The following NUP153 variants were observed in gnomAD, a reference collection of about 807,000 sequenced individuals.
The protein encoded by NUP153 is nucleoporin 153, also known as nuclear pore complex protein Nup153.
NUP153 carries 27 observed loss-of-function variants against 134.6 expected under a neutral mutation model. That is an observed-to-expected ratio of 0.20 (90% confidence interval 0.15 to 0.28). NUP153 has a LOEUF of 0.28. Ranked by LOEUF, NUP153 falls within the 10% of genes least tolerant of loss-of-function variation. The probability of loss-of-function intolerance (pLI) is 1.00; values close to 1 mark genes in which losing one functional copy is unlikely to be tolerated. For synonymous variants in NUP153, 640 were observed against 623.5 expected (o/e 1.03, Z -0.40); for missense variants, 1,821 against 1,731.3 (o/e 1.05, Z -0.92).
chr6:17,637,041 A>G (rs918728043), intron 16 of NUP153, 112 bp downstream of exon 16: 67 of 1,061,202 alleles, frequency 6.3e-5, no homozygotes, highest in African/African-American at 8.0e-5. Flanking sequence ...AGAAAAATTA[A>G]TATGTATGAG....
chr6:17,663,230 A>AC (rs1767301895), intron 9 of NUP153, among the ~76,000 whole-genome samples: 1 of 91,760 alleles, frequency 1.1e-5, no homozygotes, highest in African/African-American at 3.3e-5. Context: ...AAAAGAAAAA[A>AC]ATACACACAC....
intron 16 of NUP153, among the ~76,000 whole-genome samples, chr6:17,633,046 C>A (rs1463948904): frequency 2.0e-5 from 3 of 151,984 alleles, no homozygotes. Context: ...CTCTTTTAAC[C>A]TTATAAATGA....
chr6:17,658,360 C>A (rs373516317), intron 11 of NUP153, among the ~76,000 whole-genome samples: 1 of 152,198 alleles, frequency 6.6e-6, no homozygotes, highest in East Asian at 1.9e-4. Flanking sequence ...CATGCTACTG[C>A]CCTCCAGCCT....
chr6:17,674,876 A>C (rs1423881637), intron 5 of NUP153, 29 bp downstream of exon 5: 14 of 1,480,196 alleles, frequency 9.5e-6, no homozygotes, highest in Middle Eastern at 1.8e-4. Flanking sequence ...AGAAAAAAAA[A>C]GATCATCAAC....
chr6:17,663,224 G>C (rs1455594294), intron 9 of NUP153, among the ~76,000 whole-genome samples: 1 of 129,208 alleles, frequency 7.7e-6, no homozygotes, highest in Non-Finnish European at 1.6e-5. Flanking sequence ...ATGCTAAAAA[G>C]AAAAAAATAC....
At position 17,675,069 on chromosome 6, in the gene NUP153, T is replaced by C. The variant is rs1768134435; in HGVS notation, c.724-36A>G. On this transcript the variant is annotated intron_variant, in intron 4 of 21. Transcript: ENST00000262077. The surrounding 1 kb of genome is among the most constrained non-coding windows in gnomAD (Gnocchi z 4.4). The stretch of plus-strand genomic sequence containing the variant: ...ACAGAATGATAAATTATAAGCCATA[T>C]GAACCCAGGAGGTGGAGGTTGCAGT... The C allele has an allele frequency of 6.2e-7, 1 of 1,610,376 alleles. No homozygotes were observed. The highest frequency in any genetic ancestry group is 8.5e-7 in the Non-Finnish European group (1 of 1,178,034).
chr6:17,656,975 T>C (rs1314914303), intron 11 of NUP153, among the ~76,000 whole-genome samples: 1 of 152,136 alleles, frequency 6.6e-6, no homozygotes, highest in African/African-American at 2.4e-5. Flanking sequence ...ATCTTGCAAG[T>C]GGAGAGGGCT....
intron 1 of NUP153, among the ~76,000 whole-genome samples, chr6:17,701,741 G>C (rs1026548927): frequency 6.7e-6 from 1 of 150,364 alleles, no homozygotes; most frequent in African/African-American, 2.4e-5. Context: ...GCTGAGGCAG[G>C]AGAGCTGCTT....
At chr6:17,621,666 T>C (rs1262437996) in intron 20 of NUP153, among the ~76,000 whole-genome samples, 2 of 152,140 alleles carry the variant, frequency 1.3e-5, no homozygotes, top group Admixed American at 6.5e-5. Flanking sequence ...CTCATAAAGG[T>C]AGAGAACAAA....
intron 11 of NUP153, among the ~76,000 whole-genome samples, chr6:17,659,423 C>T (rs576592462): frequency 6.6e-5 from 10 of 152,286 alleles, no homozygotes; most frequent in Non-Finnish European, 1.2e-4. Context: ...TTTGTACCAA[C>T]CTAATAAATT....
chr6:17,616,078 TACA>T lies in NUP153; in HGVS notation c.*16_*18del, dbSNP rs767285491. 2 of 1,566,804 alleles carry T rather than the reference TACA, an allele frequency of 1.3e-6. No homozygotes were observed. The highest frequency in any genetic ancestry group is 1.8e-6 in the Non-Finnish European group (2 of 1,137,040). On this transcript the variant is annotated 3_prime_UTR_variant, in exon 22 of 22. Transcript: ENST00000262077. ...GGCACCAGCTGTTGTTAAAATTGAG[TACA>T]ACACCAATGTGACCTTTATTTCCTG...
chr6:17,665,904 G>A (rs182179490), intron 8 of NUP153, among the ~76,000 whole-genome samples: 1 of 151,370 alleles, frequency 6.6e-6, no homozygotes, highest in Admixed American at 6.6e-5. Context: ...GCTCAGGCTG[G>A]TCTCAAACTC....
At chr6:17,682,013 G>C (rs1768610791) in intron 2 of NUP153, among the ~76,000 whole-genome samples, 1 of 152,074 alleles carries the variant, frequency 6.6e-6, no homozygotes, top group African/African-American at 2.4e-5. Flanking sequence ...TTCAAGACCA[G>C]CCTGGGCAAC....
At chr6:17,674,052 G>A (rs1768069714) in intron 5 of NUP153, among the ~76,000 whole-genome samples, 1 of 152,138 alleles carries the variant, frequency 6.6e-6, no homozygotes, top group Non-Finnish European at 1.5e-5. Context: ...AATGCATTAT[G>A]CTAAGTAGAA....
intron 15 of NUP153, 65 bp from the exon 16 acceptor site, chr6:17,637,835 TTA>T: frequency 6.7e-7 from 1 of 1,496,050 alleles, no homozygotes; most frequent in Non-Finnish European, 8.9e-7. Context: ...ATTAATTTGA[TTA>T]TTATTACTGA....
chr6:17,680,360 G>A lies in NUP153; in HGVS notation c.335-4590C>T, dbSNP rs1347494884. Among the ~76,000 whole-genome samples, 1 of 152,164 alleles carries A rather than the reference G, an allele frequency of 6.6e-6. No individual in the cohort carries two copies. The highest frequency in any genetic ancestry group is 1.5e-5 in the Non-Finnish European group (1 of 68,040). On this transcript the variant is annotated intron_variant, in intron 2 of 21. Transcript: ENST00000262077. The surrounding 1 kb of genome is among the most constrained non-coding windows in gnomAD (Gnocchi z 4.5). ...TTTCAAGACCACTCAATGGGAAAAGGACAGTCTCTTCATTAAATGGTTTTG... is the reference window on the plus strand; with the variant it reads ...TTTCAAGACCACTCAATGGGAAAAGAACAGTCTCTTCATTAAATGGTTTTG...
At position 17,625,758 on chromosome 6, in the gene NUP153, A is replaced by T; in HGVS notation, c.3901+50T>A. On this transcript the variant is annotated intron_variant, in intron 19 of 21. Coordinates refer to ENST00000262077, the MANE Select transcript of NUP153 (RefSeq NM_005124.4). The surrounding 1 kb of genome is among the most constrained non-coding windows in gnomAD (Gnocchi z 4.7). ...ATATTCGCTAAGAACTGACACACTA[A>T]TAAGTAAAGTCCATCCAATTACAAT... The T allele has an allele frequency of 7.3e-7, 1 of 1,371,882 alleles. No individual in the cohort carries two copies. Among genetic ancestry groups the T allele is most frequent in the Non-Finnish European group, 1.0e-6 (1 of 969,994 alleles). 85.0% of individuals were successfully genotyped at this position (1,371,882 alleles called of 1,614,324 possible). A position where few individuals can be genotyped will look rare whatever the true frequency, so the allele number is the denominator to read the frequency against.
At chr6:17,648,572 G>A (rs1400093529) in intron 12 of NUP153, among the ~76,000 whole-genome samples, 3 of 152,074 alleles carry the variant, frequency 2.0e-5, no homozygotes, top group Non-Finnish European at 4.4e-5. Context: ...AGCCAAGATC[G>A]TGCCACTGCA....
chr6:17,688,014 G>A (rs1212901762), intron 2 of NUP153, among the ~76,000 whole-genome samples: 1 of 152,124 alleles, frequency 6.6e-6, no homozygotes, highest in Non-Finnish European at 1.5e-5. Context: ...AGCTACTTGG[G>A]AGGCTGAGGC....
Sources: allele counts gnomAD v4.1 joint callset (sites outside exome capture counted in the v4.1 genomes callset), GRCh38; gene constraint gnomAD v4.1.1; non-coding constraint Gnocchi (gnomAD v3.1); transcripts MANE v1.5; gene names NCBI Gene and HGNC (gene_info 2026-07-23, HGNC 2026-07-21).